Variants in PIK3C2B observed in about 807,000 individuals in gnomAD.
PIK3C2B encodes phosphatidylinositol-4-phosphate 3-kinase catalytic subunit type 2 beta.
In PIK3C2B, 83 loss-of-function variants were observed where a neutral mutation model predicts 184.3. That is an observed-to-expected ratio of 0.45 (90% CI 0.38 to 0.54). The LOEUF (loss-of-function observed/expected upper bound fraction) is 0.54. PIK3C2B is among the 20% of genes least tolerant of loss of function. PIK3C2B has a pLI of 0.00. For missense variants in PIK3C2B, 1,736 were observed against 2,113.5 expected (o/e 0.82, Z 3.50); for synonymous variants, 779 against 837.6 (o/e 0.93, Z 1.21).
intron 1 of PIK3C2B, among the ~76,000 whole-genome samples, chr1:204,478,292 C>T (rs1409028040): frequency 6.6e-6 from 1 of 152,150 alleles, no homozygotes. Context: ...AGCCAGGGAC[C>T]CTGCCTCGCA....
intron 12 of PIK3C2B, among the ~76,000 whole-genome samples, chr1:204,452,300 T>TTTC (rs1553302679): frequency 7.3e-6 from 1 of 137,328 alleles, no homozygotes; most frequent in Non-Finnish European, 1.6e-5. Flanking sequence ...TTTTTTTTTT[T>TTTC]TTTTTTTTTT....
intron 31 of PIK3C2B, 49 bp from the exon 32 acceptor site, chr1:204,425,790 C>T (rs1674711651): frequency 6.4e-7 from 1 of 1,557,600 alleles, no homozygotes; most frequent in Non-Finnish European, 8.8e-7. Flanking sequence ...TAACATCTGT[C>T]TCTTCACCAC....
rs781046651 is a variant in PIK3C2B at position 204,424,649 on chromosome 1, A to C, written c.*203T>G. 5.3e-6 allele frequency: 4 copies of C among 748,530 alleles called. No homozygotes were observed. The highest frequency in any genetic ancestry group is 3.4e-5 in the African/African-American group (2 of 58,546). 46.4% of individuals were successfully genotyped at this position (748,530 alleles called of 1,614,324 possible). Reference sequence around the variant, plus strand: ...TCCAAGGGGCTGCTCATCACAACCAACCCAAGTTCAGTCTCCAGAGGAAGA... The same window carrying C: ...TCCAAGGGGCTGCTCATCACAACCACCCCAAGTTCAGTCTCCAGAGGAAGA... On this transcript the variant is annotated 3_prime_UTR_variant, in exon 33 of 33. Transcript: ENST00000684373.
intron 10 of PIK3C2B, among the ~76,000 whole-genome samples, chr1:204,456,490 G>A (rs1217753751): frequency 6.6e-6 from 1 of 152,102 alleles, no homozygotes; most frequent in African/African-American, 2.4e-5. Flanking sequence ...AAGAATCCCA[G>A]GGATGCCAAA....
At chr1:204,456,859 A>C (rs372954666) in intron 10 of PIK3C2B, among the ~76,000 whole-genome samples, 178 bp downstream of exon 10, 1 of 146,028 alleles carries the variant, frequency 6.8e-6, no homozygotes, top group African/African-American at 2.5e-5. Context: ...AGCTGTATCC[A>C]CACCTCATAT....
At chr1:204,461,416 G>C (rs1022634752) in intron 5 of PIK3C2B, among the ~76,000 whole-genome samples, 1 of 152,128 alleles carries the variant, frequency 6.6e-6, no homozygotes, top group African/African-American at 2.4e-5. Flanking sequence ...CAAGAGGAGG[G>C]GCAGAGGGAG....
At chr1:204,483,990 T>C (rs1317680186) in intron 1 of PIK3C2B, among the ~76,000 whole-genome samples, 3 of 152,164 alleles carry the variant, frequency 2.0e-5, no homozygotes, top group South Asian at 2.1e-4. Context: ...ATAGGAACTG[T>C]GTCGAAACAC....
At chr1:204,482,109 CGGGGGGGG>C (rs55875447) in intron 1 of PIK3C2B, among the ~76,000 whole-genome samples, 4 of 132,546 alleles carry the variant, frequency 3.0e-5, no homozygotes, top group African/African-American at 1.1e-4. Flanking sequence ...CATGAAAAGA[CGGGGGGGG>C]GGGGGGGGGT....
At chr1:204,457,213 A>C in intron 9 of PIK3C2B, 143 bp from the exon 10 acceptor site, 1 of 685,744 alleles carries the variant, frequency 1.5e-6, no homozygotes, top group East Asian at 2.7e-5. Context: ...GAGAGGAGAG[A>C]GTAATGGTTT....
intron 29 of PIK3C2B, among the ~76,000 whole-genome samples, 189 bp from the exon 30 acceptor site, chr1:204,428,409 A>G (rs757007806): frequency 2.0e-5 from 3 of 152,236 alleles, no homozygotes; most frequent in Non-Finnish European, 4.4e-5. Context: ...GAAATTTTGA[A>G]TATGGACTAT....
chr1:204,449,743 T>C, intron 13 of PIK3C2B, 107 bp downstream of exon 13: 2 of 1,031,172 alleles, frequency 1.9e-6, no homozygotes, highest in Non-Finnish European at 2.8e-6. Context: ...GAGCCCCACA[T>C]GGCCAACTCT....
intron 23 of PIK3C2B, 105 bp downstream of exon 23, chr1:204,438,830 G>T: frequency 7.7e-7 from 1 of 1,305,910 alleles, no homozygotes; most frequent in Non-Finnish European, 1.1e-6. Context: ...TGCCAACAAA[G>T]CTGAGCTGTC....
chr1:204,474,749 C>T (rs918846901), intron 1 of PIK3C2B, among the ~76,000 whole-genome samples: 3 of 151,942 alleles, frequency 2.0e-5, no homozygotes, highest in Non-Finnish European at 4.4e-5. Context: ...TTGATGATTC[C>T]AAATATGTAT....
intron 1 of PIK3C2B, among the ~76,000 whole-genome samples, chr1:204,477,329 A>C (rs1458440577): frequency 6.6e-6 from 1 of 152,120 alleles, no homozygotes; most frequent in African/African-American, 2.4e-5. Context: ...ACCCCACAGA[A>C]GAGGGTTTCA....
At position 204,433,756 on chromosome 1, in the gene PIK3C2B, A is replaced by G. The variant is rs765035002; in HGVS notation, c.3843+37T>C. 6.3e-7 allele frequency: 1 copy of G among 1,588,442 alleles called. No individual in the cohort carries two copies. ...AGTCTTAAAGATGATGCCAGATAAT[A>G]AGAAGAAGGTATTCGGAAAGGGATG... is the stretch of plus-strand genomic sequence containing the variant. On this transcript the variant is annotated intron_variant, in intron 25 of 32. Coordinates refer to ENST00000684373, the MANE Select transcript of PIK3C2B (RefSeq NM_001377334.1). This position sits in a 1 kb window ranked among gnomAD's most constrained non-coding sequence, Gnocchi z 5.0.
At position 204,439,636 on chromosome 1, in the gene PIK3C2B, C is replaced by A. The variant is rs568986674; in HGVS notation, c.3379+556G>T. Among the ~76,000 whole-genome samples, 505 of 152,152 alleles carry A rather than the reference C, an allele frequency of 3.3e-3. 6 individuals are homozygous for A. The highest frequency in any genetic ancestry group is 0.011 in the African/African-American group (472 of 41,490). ...ACTGTCTCTCTCCTTCTCTCTCTCT[C>A]TCTATATATATATTTTCACACAGGG... On this transcript the variant is annotated intron_variant, in intron 22 of 32. Coordinates refer to ENST00000684373, the MANE Select transcript of PIK3C2B (RefSeq NM_001377334.1).
At chr1:204,446,326 G>A (rs1366891774) in intron 15 of PIK3C2B, among the ~76,000 whole-genome samples, 182 bp from the exon 16 acceptor site, 1 of 152,210 alleles carries the variant, frequency 6.6e-6, no homozygotes, top group African/African-American at 2.4e-5. Context: ...CCCTCGCCAT[G>A]CCTGGGTCAC....
At position 204,424,604 on chromosome 1, in the gene PIK3C2B, T is replaced by A; in HGVS notation, c.*248A>T. ...CCTTGACACAAGGTAAACTTAAAAC[T>A]TTGCTGCAACCTCACAGCCTCCAAG... On this transcript the variant is annotated 3_prime_UTR_variant, in exon 33 of 33. Coordinates refer to ENST00000684373, the MANE Select transcript of PIK3C2B (RefSeq NM_001377334.1). 1.8e-6 allele frequency: 1 copy of A among 549,436 alleles called. No individual in the cohort carries two copies. Among genetic ancestry groups the A allele is most frequent in the East Asian group, 4.4e-5 (1 of 22,806 alleles). The allele number at this position is 549,436 out of a possible 1,614,324, so 34.0% of individuals were successfully genotyped here.
At chr1:204,463,605 G>A (rs964207464) in intron 5 of PIK3C2B, among the ~76,000 whole-genome samples, 1 of 152,136 alleles carries the variant, frequency 6.6e-6, no homozygotes, top group African/African-American at 2.4e-5. Flanking sequence ...GGCTCCACAA[G>A]GGAACTTCTG....
Sources: gnomAD v4.1 joint callset for allele counts (sites outside exome capture counted in the v4.1 genomes callset) on GRCh38, gnomAD v4.1.1 for gene constraint, Gnocchi (gnomAD v3.1) non-coding constraint, MANE v1.5 for transcripts, NCBI Gene and HGNC (gene_info 2026-07-23, HGNC 2026-07-21) for gene names.